The following SOHLH2 variants were observed in gnomAD, a reference collection of about 807,000 sequenced individuals.
SOHLH2 encodes spermatogenesis- and oogenesis-specific basic helix-loop-helix-containing protein 2.
SOHLH2 carries 22 observed loss-of-function variants against 50.4 expected under a neutral mutation model. That is an observed-to-expected ratio of 0.44 (90% CI 0.31 to 0.62). SOHLH2 has a LOEUF of 0.62. Among genes scored for constraint, SOHLH2 ranks in the 20% least tolerant of loss-of-function variants. The pLI is 0.08. For synonymous variants in SOHLH2, 185 were observed against 187.3 expected, an observed-to-expected ratio of 0.99 and a Z score of 0.10; for missense variants, 412 against 504.4, an observed-to-expected ratio of 0.82 and a Z score of 1.76.
At chr13:36,178,061 T>C (rs1423295598) in intron 6 of SOHLH2, among the ~76,000 whole-genome samples, 1 of 151,558 alleles carries the variant, frequency 6.6e-6, no homozygotes, top group Admixed American at 6.6e-5. Flanking sequence ...GACGTGAGTC[T>C]ATTTAAATAT....
chr13:36,171,052 T>C (rs569286394), intron 9 of SOHLH2, among the ~76,000 whole-genome samples: 1 of 152,250 alleles, frequency 6.6e-6, no homozygotes, highest in African/African-American at 2.4e-5. Flanking sequence ...CTGATGTATG[T>C]GAATGTGCAC....
intron 8 of SOHLH2, 115 bp from the exon 9 acceptor site, chr13:36,173,925 C>T: frequency 8.4e-7 from 1 of 1,192,898 alleles, no homozygotes. Context: ...AAAGCCTCAA[C>T]TATGGATTAT....
rs553905679 is a variant in SOHLH2, at chr13:36,172,800, G to C, written c.1000+892C>G. ...ACAAGGGAGGTGCTTGGTGAGAGCA[G>C]AGCCTGTTGGAGGAAGTCAGAAGTG... On this transcript the variant is annotated intron_variant, in intron 9 of 10. Transcript: ENST00000379881. Among the ~76,000 whole-genome samples, 8 of 152,308 alleles carry C rather than the reference G, an allele frequency of 5.3e-5. No homozygotes were observed. In the South Asian group the frequency reaches 1.7e-3, roughly 32 times the overall value.
Position 36,189,944 on chromosome 13 carries a change from A to G in SOHLH2, c.641+2T>C. 1.9e-6 allele frequency: 3 copies of G among 1,582,542 alleles called. No homozygotes were observed. Among genetic ancestry groups the G allele is most frequent in the Non-Finnish European group, 2.6e-6 (3 of 1,164,266 alleles). ...CTTAAAAAGTGCTATATTAAAATTC[A>G]CCTTCTTAGTTTTTCCTTGCTTGAA... On this transcript the variant is annotated splice_donor_variant, in intron 6 of 10. Coordinates refer to ENST00000379881, the MANE Select transcript of SOHLH2 (RefSeq NM_017826.3). LOFTEE classifies it high-confidence loss of function.
At chr13:36,199,697 G>A (rs1209150259) in intron 2 of SOHLH2, among the ~76,000 whole-genome samples, 1 of 152,212 alleles carries the variant, frequency 6.6e-6, no homozygotes, top group Non-Finnish European at 1.5e-5. Flanking sequence ...AGCTGCTGAA[G>A]TGAGTATCAG....
intron 2 of SOHLH2, among the ~76,000 whole-genome samples, chr13:36,196,752 T>C (rs910997273): frequency 2.6e-5 from 4 of 152,208 alleles, no homozygotes; most frequent in African/African-American, 7.2e-5. Context: ...TATGGATATA[T>C]GGATTTATAT....
rs55872520 is a variant in SOHLH2 at position 36,168,681 on chromosome 13, A to G, written c.*353T>C. 522 of 289,234 alleles carry G rather than the reference A, an allele frequency of 1.8e-3. 3 individuals are homozygous for G. Among genetic ancestry groups the G allele is most frequent in the African/African-American group, 0.011 (488 of 46,356 alleles). The allele number at this position is 289,234 out of a possible 1,614,324, so 17.9% of individuals were successfully genotyped here. On this transcript the variant is annotated 3_prime_UTR_variant, in exon 11 of 11. Coordinates refer to ENST00000379881, the MANE Select transcript of SOHLH2 (RefSeq NM_017826.3). ...ATCAACACACCTTCCCAATCTAATC[A>G]TTTTATCGTGTCTACATGGATCTTC... is the stretch of plus-strand genomic sequence containing the variant.
intron 1 of SOHLH2, among the ~76,000 whole-genome samples, chr13:36,205,186 T>C (rs1868675025): frequency 6.6e-6 from 1 of 152,212 alleles, no homozygotes; most frequent in African/African-American, 2.4e-5. Flanking sequence ...TTATTCTCAA[T>C]TTCCTAGGTA....
chr13:36,203,972 G>GAGA (rs1868594791), intron 1 of SOHLH2, among the ~76,000 whole-genome samples: 57 of 63,346 alleles, frequency 9.0e-4, no homozygotes, highest in African/African-American at 3.4e-3. Context: ...TTTTTTTTTT[G>GAGA]AGGAGTCTCA....
chr13:36,190,146 T>G lies in SOHLH2; in HGVS notation c.531-90A>C, dbSNP rs535800084. On this transcript the variant is annotated intron_variant, in intron 5 of 10. Transcript: ENST00000379881. The stretch of plus-strand genomic sequence containing the variant: ...ACGCACCAATACACTAAACAAAGGA[T>G]GCTTCTCTAAGTCTCTTGCTTCATA... 13 of 1,185,146 alleles carry G rather than the reference T, an allele frequency of 1.1e-5. No homozygotes were observed. The East Asian group carries it at 3.4e-4, about 31-fold the overall frequency. 73.4% of individuals were successfully genotyped at this position (1,185,146 alleles called of 1,614,324 possible).
chr13:36,207,012 A>G (rs1479603807), intron 1 of SOHLH2, among the ~76,000 whole-genome samples: 1 of 151,562 alleles, frequency 6.6e-6, no homozygotes, highest in Admixed American at 6.6e-5. Flanking sequence ...CTCAAATTTT[A>G]TTTTTCTGAT....
chr13:36,182,800 A>G (rs576305156), intron 6 of SOHLH2: 1 of 152,402 alleles, frequency 6.6e-6, no homozygotes, highest in East Asian at 1.9e-4. Context: ...GTTTCAGAGT[A>G]ATCTGTTGTA....
Position 36,181,127 on chromosome 13 carries a change from C to T in SOHLH2, c.642-6258G>A, listed in dbSNP as rs141897899. ...ATCATTATAAATTGCCCCTCTTTAC[C>T]GCAGGTAATACTGTTTGTCTTCAAG... On this transcript the variant is annotated intron_variant, in intron 6 of 10. Transcript: ENST00000379881. 1.3e-4 allele frequency among the ~76,000 whole-genome samples: 20 copies of T among 152,146 alleles called. 1 individual carries two copies. In the South Asian group the frequency reaches 1.5e-3, roughly 11 times the overall value.
chr13:36,183,828 T>C (rs1040682815), intron 6 of SOHLH2, among the ~76,000 whole-genome samples: 6 of 152,166 alleles, frequency 3.9e-5, no homozygotes, highest in African/African-American at 1.4e-4. Context: ...ATTAGCATTA[T>C]CATTTCCTTA....
chr13:36,171,632 T>C (rs752909851), intron 9 of SOHLH2, among the ~76,000 whole-genome samples: 8 of 152,258 alleles, frequency 5.3e-5, no homozygotes, highest in African/African-American at 1.9e-4. Flanking sequence ...CAGGAACCCA[T>C]TATACTCTTC....
At chr13:36,175,541 G>A (rs1465783817) in intron 6 of SOHLH2, among the ~76,000 whole-genome samples, 5 of 152,144 alleles carry the variant, frequency 3.3e-5, no homozygotes, top group Admixed American at 3.3e-4. Flanking sequence ...ACTGACTTAA[G>A]CCCTTGGTGG....
chr13:36,173,908 C>T, intron 8 of SOHLH2, 98 bp from the exon 9 acceptor site: 1 of 1,366,018 alleles, frequency 7.3e-7, no homozygotes. Flanking sequence ...GTTCTAAAAA[C>T]ACTGATAAAG....
At chr13:36,177,478 A>T (rs1042058657) in intron 6 of SOHLH2, among the ~76,000 whole-genome samples, 25 of 152,154 alleles carry the variant, frequency 1.6e-4, no homozygotes, top group African/African-American at 6.0e-4. Context: ...TTATAAAAAC[A>T]GGCAGAACTC....
intron 6 of SOHLH2, among the ~76,000 whole-genome samples, chr13:36,178,503 C>T (rs1481907122): frequency 6.6e-6 from 1 of 152,058 alleles, no homozygotes; most frequent in Non-Finnish European, 1.5e-5. Flanking sequence ...TGCCAGTTAC[C>T]TACTGGTGAT....
Sources: allele counts gnomAD v4.1 joint callset (sites outside exome capture counted in the v4.1 genomes callset), GRCh38; gene constraint gnomAD v4.1.1; transcripts MANE v1.5; gene names NCBI Gene and HGNC (gene_info 2026-07-23, HGNC 2026-07-21).